The following GPR137C variants were observed in gnomAD, a reference collection of about 807,000 sequenced individuals.
GPR137C encodes integral membrane protein GPR137C.
In GPR137C, 27 loss-of-function variants were observed where a neutral mutation model predicts 43.4. That is an observed-to-expected ratio of 0.62 (90% CI 0.46 to 0.86). The LOEUF is 0.86. GPR137C is among the 40% of genes least tolerant of loss of function. GPR137C has a pLI of 0.00. For missense variants in GPR137C, 522 were observed against 534.6 expected (o/e 0.98, Z 0.23); for synonymous variants, 285 against 226.9 (o/e 1.26, Z -2.30).
chr14:52,633,904 G>A lies in GPR137C; in HGVS notation c.1070G>A (p.Ser357Asn). The change falls in exon 6 of 7, where the codon AGT (serine) becomes AAT (asparagine). Residue 357 changes from serine (S) to asparagine (N), a missense_variant. By Grantham distance (46) the Ser-to-Asn change is conservative. This residue lies in a region of GPR137C where 18 missense variants were observed against 39.9 expected (regional missense o/e 0.45). Transcript: ENST00000321662. ...TTCGACAATCCAAGACGATATGATA[G>A]TGATGATGACCTGCCAAGACTGGGA... ...YFFDNPRRYD[S>N]DDDLPRLGSS... The A allele has an allele frequency of 6.2e-7, 1 of 1,612,132 alleles. No individual in the cohort carries two copies.
rs551507668 is a variant in GPR137C, at chr14:52,577,896, C to T, written c.445-20376C>T. Among the ~76,000 whole-genome samples the T allele has an allele frequency of 2.6e-5, 4 of 151,662 alleles. No homozygotes were observed. The South Asian group carries it at 8.4e-4, about 32-fold the overall frequency. On this transcript the variant is annotated intron_variant, in intron 1 of 6. Transcript: ENST00000321662. ...GGGAGGATCGCTTGAGCCTGGGAGG[C>T]AGAGGTTGCAGTGAACTGAGATCGT...
Position 52,600,293 on chromosome 14 carries a change from A to T in GPR137C, c.669A>T (p.Ile223=), listed in dbSNP as rs2038908814. The change falls in exon 3 of 7, where the codon ATA becomes ATT. Residue 223 remains isoleucine, a synonymous_variant. Transcript: ENST00000321662. ...ILCAISLVCY[I]CKITKMSSAN... ...GTGCCATCTCTTTAGTGTGTTACAT[A>T]TGCAAAATTACAAAAATGTCATCAG... is the stretch of plus-strand genomic sequence containing the variant. 6.2e-7 allele frequency: 1 copy of T among 1,612,586 alleles called. No individual in the cohort carries two copies.
intron 1 of GPR137C, among the ~76,000 whole-genome samples, chr14:52,598,006 A>G (rs1030614561): frequency 2.0e-5 from 3 of 152,222 alleles, no homozygotes; most frequent in African/African-American, 7.2e-5. Context: ...ATACAAGTAC[A>G]GTATATGTTT....
chr14:52,553,654 C>A, intron 1 of GPR137C, 63 bp downstream of exon 1: 3 of 1,279,628 alleles, frequency 2.3e-6, no homozygotes, highest in Middle Eastern at 1.9e-4. Flanking sequence ...GGATCAACTC[C>A]CGCTGAGGAC....
At chr14:52,623,758 G>C (rs2039188324) in intron 3 of GPR137C, among the ~76,000 whole-genome samples, 1 of 152,076 alleles carries the variant, frequency 6.6e-6, no homozygotes, top group African/African-American at 2.4e-5. Flanking sequence ...TCAGAGAACT[G>C]TCTATCACTT....
intron 1 of GPR137C, among the ~76,000 whole-genome samples, chr14:52,595,694 T>C (rs1418426356): frequency 6.6e-6 from 1 of 152,220 alleles, no homozygotes; most frequent in Non-Finnish European, 1.5e-5. Flanking sequence ...TTCTCTACAC[T>C]GTTTATTCTA....
intron 1 of GPR137C, among the ~76,000 whole-genome samples, chr14:52,570,692 C>G (rs568127888): frequency 6.6e-6 from 1 of 152,254 alleles, no homozygotes; most frequent in African/African-American, 2.4e-5. Flanking sequence ...GCAGGGGTTG[C>G]AATCCTAGTC....
At chr14:52,571,488 C>T (rs1463244551) in intron 1 of GPR137C, among the ~76,000 whole-genome samples, 2 of 152,100 alleles carry the variant, frequency 1.3e-5, no homozygotes. Context: ...GCCTGGCCAA[C>T]ATAGTGAAAC....
At chr14:52,567,023 G>T (rs2139449005) in intron 1 of GPR137C, among the ~76,000 whole-genome samples, 1 of 152,276 alleles carries the variant, frequency 6.6e-6, no homozygotes, top group South Asian at 2.1e-4. Context: ...TGCGGCAGGA[G>T]ACTCACTTGA....
At chr14:52,566,146 C>T (rs2038366135) in intron 1 of GPR137C, among the ~76,000 whole-genome samples, 1 of 152,090 alleles carries the variant, frequency 6.6e-6, no homozygotes, top group South Asian at 2.1e-4. Flanking sequence ...TTATTTAGGA[C>T]CCAGGGATCA....
chr14:52,627,617 TG>T lies in GPR137C; in HGVS notation c.718-4540del, dbSNP rs535510505. 7.9e-4 allele frequency among the ~76,000 whole-genome samples: 120 copies of T among 152,076 alleles called. 1 individual carries two copies. The highest frequency in any genetic ancestry group is 2.8e-3 in the African/African-American group (116 of 41,488). ...ATCCCAGCACTTTGGGAGGCCGAGGTGGGTGGATCACAAGGTCAGGAGATGA... is the reference window on the plus strand; with the variant it reads ...ATCCCAGCACTTTGGGAGGCCGAGGTGGTGGATCACAAGGTCAGGAGATGA... On this transcript the variant is annotated intron_variant, in intron 3 of 6. Coordinates refer to ENST00000321662, the MANE Select transcript of GPR137C (RefSeq NM_001099652.2).
intron 1 of GPR137C, among the ~76,000 whole-genome samples, chr14:52,586,968 T>G (rs1458705345): frequency 6.6e-6 from 1 of 152,170 alleles, no homozygotes; most frequent in African/African-American, 2.4e-5. Flanking sequence ...AAGAAATCAT[T>G]CAAACGTAGA....
Position 52,637,179 on chromosome 14 carries a change from C to G in GPR137C, c.*2064C>G, listed in dbSNP as rs1448322616. ...ACTGACTAGGGTACCCAAATTCTTG[C>G]ATTTGTCTCCTTATACACATCTAAC... On this transcript the variant is annotated 3_prime_UTR_variant, in exon 7 of 7. Coordinates refer to ENST00000321662, the MANE Select transcript of GPR137C (RefSeq NM_001099652.2). 1 of 152,106 alleles carries G rather than the reference C, an allele frequency of 6.6e-6. No homozygotes were observed. The highest frequency in any genetic ancestry group is 6.6e-5 in the Admixed American group (1 of 15,248). The allele number at this position is 152,106 out of a possible 1,614,324, so 9.4% of individuals were successfully genotyped here.
At chr14:52,554,497 CAT>C (rs960547844) in intron 1 of GPR137C, among the ~76,000 whole-genome samples, 15 of 152,086 alleles carry the variant, frequency 9.9e-5, no homozygotes, top group Non-Finnish European at 1.6e-4. Flanking sequence ...GGTTGTCAAT[CAT>C]GTGTGTCAGC....
intron 3 of GPR137C, among the ~76,000 whole-genome samples, chr14:52,625,591 G>A (rs2039216384): frequency 9.9e-6 from 1 of 100,600 alleles, no homozygotes; most frequent in Admixed American, 1.5e-4. Context: ...GTCTTGCTGT[G>A]TCACCCAGGC....
In GPR137C at chr14:52,553,633, C is replaced by T. The variant is rs751364876; in HGVS notation, c.444+42C>T. 28 of 1,389,694 alleles carry T rather than the reference C, an allele frequency of 2.0e-5. No homozygotes were observed. The African/African-American group carries it at 3.4e-4, about 17-fold the overall frequency. The allele number at this position is 1,389,694 out of a possible 1,614,324, so 86.1% of individuals were successfully genotyped here. The stretch of plus-strand genomic sequence containing the variant: ...GGCATGCGGGGCCCGGGCGGGTGCG[C>T]GGGGCCGCCGGGATCAACTCCCGCT... On this transcript the variant is annotated intron_variant, in intron 1 of 6. Transcript: ENST00000321662.
chr14:52,625,947 G>C (rs943331354), intron 3 of GPR137C, among the ~76,000 whole-genome samples: 7 of 152,134 alleles, frequency 4.6e-5, no homozygotes, highest in Admixed American at 6.5e-5. Flanking sequence ...GTATTCACAG[G>C]TCCTACATCC....
intron 1 of GPR137C, among the ~76,000 whole-genome samples, chr14:52,592,697 G>T (rs1004335436): frequency 1.3e-5 from 2 of 152,206 alleles, no homozygotes; most frequent in Non-Finnish European, 2.9e-5. Flanking sequence ...CTGAGACTTT[G>T]CTGAAGTTGC....
intron 1 of GPR137C, among the ~76,000 whole-genome samples, chr14:52,560,142 A>G (rs1445098520): frequency 6.6e-6 from 1 of 152,178 alleles, no homozygotes; most frequent in Non-Finnish European, 1.5e-5. Context: ...GGGCGACAGA[A>G]CAAGACCCTG....
Sources: allele counts gnomAD v4.1 joint callset (sites outside exome capture counted in the v4.1 genomes callset), GRCh38; gene constraint gnomAD v4.1.1; regional missense constraint gnomAD v4.1.1; transcripts MANE v1.5; gene names NCBI Gene and HGNC (gene_info 2026-07-23, HGNC 2026-07-21).